Variants in CNTNAP2 observed in about 807,000 individuals in gnomAD.
The protein encoded by CNTNAP2 is contactin associated protein 2.
In CNTNAP2, 98 loss-of-function variants were observed where a neutral mutation model predicts 155.2. The ratio of observed to expected loss-of-function variants is 0.63; its 90% CI spans 0.54 to 0.75. CNTNAP2 has a LOEUF of 0.75. Among genes scored for constraint, CNTNAP2 ranks in the 30% least tolerant of loss-of-function variants. CNTNAP2 has a pLI of 0.00. For synonymous variants in CNTNAP2, 651 were observed against 631.2 expected, an observed-to-expected ratio of 1.03 and a Z score of -0.47; for missense variants, 1,727 against 1,688.1, an observed-to-expected ratio of 1.02 and a Z score of -0.40.
At chr7:147,047,350 T>C (rs995743112) in intron 4 of CNTNAP2, among the ~76,000 whole-genome samples, 11 of 150,874 alleles carry the variant, frequency 7.3e-5, no homozygotes, top group Non-Finnish European at 1.2e-4. Context: ...CTTGATTTGC[T>C]GACCTCATGA....
chr7:148,077,629 T>C lies in CNTNAP2; in HGVS notation c.2384-40489T>C, dbSNP rs185359091. Reference sequence around the variant, plus strand: ...AGTACGTTGTTTGTTTGAAAATCTTTCTTTTTTTCGGATATAAAACTATAC... The same window carrying C: ...AGTACGTTGTTTGTTTGAAAATCTTCCTTTTTTTCGGATATAAAACTATAC... On this transcript the variant is annotated intron_variant, in intron 15 of 23. Coordinates refer to ENST00000361727, the MANE Select transcript of CNTNAP2 (RefSeq NM_014141.6). Among the ~76,000 whole-genome samples, 17 of 152,330 alleles carry C rather than the reference T, an allele frequency of 1.1e-4. No homozygotes were observed. The East Asian group carries it at 1.7e-3, about 16-fold the overall frequency.
chr7:147,855,593 T>A (rs1799021742), intron 13 of CNTNAP2, among the ~76,000 whole-genome samples: 1 of 151,834 alleles, frequency 6.6e-6, no homozygotes, highest in Non-Finnish European at 1.5e-5. Context: ...TTGAGACCAG[T>A]CTGGCCAACA....
chr7:147,482,112 A>G (rs990944131), intron 10 of CNTNAP2, among the ~76,000 whole-genome samples: 4 of 152,274 alleles, frequency 2.6e-5, no homozygotes, highest in African/African-American at 9.6e-5. Context: ...GAATTATAAG[A>G]TAAAAACCCC....
chr7:146,885,335 G>A (rs1305447784), intron 3 of CNTNAP2, among the ~76,000 whole-genome samples: 1 of 151,996 alleles, frequency 6.6e-6, no homozygotes, highest in Non-Finnish European at 1.5e-5. Flanking sequence ...TAACAAGTTA[G>A]TGGCAAGAAA....
At chr7:147,578,841 AC>A (rs1197134457) in intron 12 of CNTNAP2, among the ~76,000 whole-genome samples, 2 of 147,598 alleles carry the variant, frequency 1.4e-5, no homozygotes, top group Admixed American at 1.3e-4. Context: ...CAACAGAGAT[AC>A]AACTTTTCCG....
intron 1 of CNTNAP2, among the ~76,000 whole-genome samples, chr7:146,251,677 C>T (rs1163605921): frequency 5.3e-5 from 8 of 152,076 alleles, no homozygotes; most frequent in Admixed American, 5.2e-4. Flanking sequence ...GATGAAGTAA[C>T]TCACAATTTA....
At chr7:146,822,916 C>T (rs1349711419) in intron 2 of CNTNAP2, among the ~76,000 whole-genome samples, 4 of 136,298 alleles carry the variant, frequency 2.9e-5, no homozygotes, top group African/African-American at 1.1e-4. Flanking sequence ...CATTCTTCAG[C>T]ATATTTACAT....
At chr7:146,246,472 C>T (rs191362805) in intron 1 of CNTNAP2, among the ~76,000 whole-genome samples, 9 of 149,702 alleles carry the variant, frequency 6.0e-5, no homozygotes, top group Admixed American at 1.3e-4. Context: ...CGTCAATACC[C>T]ACAACAGTTA....
intron 8 of CNTNAP2, among the ~76,000 whole-genome samples, chr7:147,138,813 A>G (rs1280544350): frequency 6.6e-6 from 1 of 152,064 alleles, no homozygotes; most frequent in Non-Finnish European, 1.5e-5. Context: ...GGGAAGATGA[A>G]TAAAACATGT....
intron 1 of CNTNAP2, among the ~76,000 whole-genome samples, chr7:146,505,916 C>G (rs1797377240): frequency 6.6e-6 from 1 of 152,204 alleles, no homozygotes; most frequent in African/African-American, 2.4e-5. Context: ...ACCTTGAACT[C>G]TAGCCCCACA....
At chr7:147,585,572 G>A (rs972356433) in intron 12 of CNTNAP2, among the ~76,000 whole-genome samples, 3 of 151,038 alleles carry the variant, frequency 2.0e-5, no homozygotes. Context: ...AGCTATAGAT[G>A]ATATTAATGT....
chr7:146,593,168 A>ATTAT (rs1563148646), intron 1 of CNTNAP2, among the ~76,000 whole-genome samples: 2 of 149,948 alleles, frequency 1.3e-5, no homozygotes, highest in African/African-American at 2.4e-5. Context: ...ATTATTATTA[A>ATTAT]TATTATTATT....
chr7:147,630,883 G>T (rs1013107500), intron 12 of CNTNAP2, among the ~76,000 whole-genome samples: 1 of 152,058 alleles, frequency 6.6e-6, no homozygotes, highest in African/African-American at 2.4e-5. Flanking sequence ...ATGGGAAAAA[G>T]TTGAAAGCAT....
intron 12 of CNTNAP2, among the ~76,000 whole-genome samples, chr7:147,604,224 G>A (rs1801014182): frequency 6.6e-6 from 1 of 151,480 alleles, no homozygotes; most frequent in Admixed American, 6.6e-5. Context: ...TTGACAAATG[G>A]GATCTAATTA....
At chr7:146,875,823 G>T (rs1795409291) in intron 3 of CNTNAP2, among the ~76,000 whole-genome samples, 1 of 149,150 alleles carries the variant, frequency 6.7e-6, no homozygotes, top group African/African-American at 2.5e-5. Flanking sequence ...CAGCAGAAGG[G>T]TCACTTGAGG....
At chr7:147,742,781 T>A (rs574860923) in intron 13 of CNTNAP2, among the ~76,000 whole-genome samples, 95 of 152,342 alleles carry the variant, frequency 6.2e-4, no homozygotes, top group Admixed American at 9.8e-4. Context: ...AGACACAGTG[T>A]GTTTATGCAA....
At chr7:146,549,864 C>G (rs759337700) in intron 1 of CNTNAP2, among the ~76,000 whole-genome samples, 3 of 152,042 alleles carry the variant, frequency 2.0e-5, no homozygotes, top group Non-Finnish European at 4.4e-5. Context: ...AACCATATAT[C>G]AACCTCCCTG....
At chr7:147,800,042 A>G (rs1025987428) in intron 13 of CNTNAP2, among the ~76,000 whole-genome samples, 2 of 152,202 alleles carry the variant, frequency 1.3e-5, no homozygotes, top group African/African-American at 4.8e-5. Flanking sequence ...CACACAATAA[A>G]TATATAGTAT....
chr7:146,704,867 C>A (rs747064105), intron 1 of CNTNAP2, among the ~76,000 whole-genome samples: 16 of 152,098 alleles, frequency 1.1e-4, no homozygotes, highest in Non-Finnish European at 2.4e-4. Flanking sequence ...CCCAAGCATA[C>A]CTATGGGCTC....
Sources: allele counts gnomAD v4.1 joint callset (sites outside exome capture counted in the v4.1 genomes callset), GRCh38; gene constraint gnomAD v4.1.1; transcripts MANE v1.5; gene names NCBI Gene and HGNC (gene_info 2026-07-23, HGNC 2026-07-21).